RTL4: variants seen among roughly 807,000 people sequenced by gnomAD.
RTL4 encodes the protein retrotransposon Gag-like protein 4.
A neutral mutation model predicts 5.3 loss-of-function variants in RTL4; 4 were observed. The observed-to-expected ratio is 0.75, with a 90% CI of 0.37 to 1.72. RTL4 has a LOEUF of 1.72. Ranked by LOEUF, RTL4 falls within the 40% of genes most tolerant of loss-of-function variation. The probability of loss-of-function intolerance (pLI) is 0.04; values close to 1 mark genes in which losing one functional copy is unlikely to be tolerated. For synonymous variants in RTL4, 98 were observed against 87.3 expected (o/e 1.12, Z -0.68); for missense variants, 260 against 227.1 (o/e 1.14, Z -0.93).
chrX:112,214,931 C>T, the RTL4 span, among the ~76,000 whole-genome samples: 5 of 109,172 alleles, frequency 4.6e-5, no homozygotes, highest in East Asian at 2.9e-4. Context: ...TGGGACTACA[C>T]GCACCCACCA....
the RTL4 span, among the ~76,000 whole-genome samples, chrX:112,448,568 C>G: frequency 9.0e-6 from 1 of 111,686 alleles, no homozygotes; most frequent in Admixed American, 9.5e-5. Flanking sequence ...GCTCCCTCTT[C>G]TCTGATTCTT....
At chrX:112,299,087 T>C in the RTL4 span, among the ~76,000 whole-genome samples, 5 of 112,127 alleles carry the variant, frequency 4.5e-5, no homozygotes, top group African/African-American at 1.6e-4. Context: ...CTCTGAGATT[T>C]GAGAGTTGGC....
At chrX:112,222,532 A>G in the RTL4 span, among the ~76,000 whole-genome samples, 1 of 110,359 alleles carries the variant, frequency 9.1e-6, no homozygotes, top group East Asian at 2.9e-4. Context: ...GTTCAAGACC[A>G]GCCTAGGCAA....
chrX:112,273,249 G>A, the RTL4 span, among the ~76,000 whole-genome samples: 36 of 106,357 alleles, frequency 3.4e-4, no homozygotes, highest in South Asian at 0.013. Context: ...ACCACATAGA[G>A]TTGATGATTT....
chrX:112,321,581 GACAGAC>G, the RTL4 span, among the ~76,000 whole-genome samples: 55 of 101,296 alleles, frequency 5.4e-4, no homozygotes, highest in African/African-American at 2.0e-3. Flanking sequence ...AAAGAAGAAA[GACAGAC>G]AGACAGACAG....
At chrX:112,300,521 G>T in the RTL4 span, among the ~76,000 whole-genome samples, 1 of 111,903 alleles carries the variant, frequency 8.9e-6, no homozygotes, top group Non-Finnish European at 1.9e-5. Flanking sequence ...GAATAGTGTG[G>T]GCCCTAATGG....
the RTL4 span, among the ~76,000 whole-genome samples, chrX:112,193,845 T>G: frequency 8.9e-6 from 1 of 112,233 alleles, no homozygotes; most frequent in Admixed American, 9.5e-5. Flanking sequence ...CTTCTAATGA[T>G]TAGACACTCA....
the RTL4 span, among the ~76,000 whole-genome samples, chrX:112,234,945 G>C: frequency 1.8e-5 from 2 of 111,526 alleles, no homozygotes; most frequent in African/African-American, 3.3e-5. Flanking sequence ...GGTTTGGCTA[G>C]TATTTATCAA....
the RTL4 span, among the ~76,000 whole-genome samples, chrX:112,168,947 CTTTCTT>C: frequency 9.9e-6 from 1 of 100,809 alleles, no homozygotes; most frequent in Non-Finnish European, 2.1e-5. Context: ...CTTTTTCTTT[CTTTCTT>C]TCTTTCTTTC....
At chrX:112,369,499 C>T in the RTL4 span, among the ~76,000 whole-genome samples, 1,650 of 110,729 alleles carry the variant, frequency 0.015, 35 homozygotes, top group African/African-American at 0.051. Context: ...TCACAGCACA[C>T]AGTAGGAATT....
chrX:112,139,222 C>T, the RTL4 span, among the ~76,000 whole-genome samples: 5 of 111,298 alleles, frequency 4.5e-5, no homozygotes, highest in South Asian at 1.9e-3. Flanking sequence ...GATGACTTAT[C>T]GTGGGTGATA....
At chrX:112,291,089 G>A in the RTL4 span, among the ~76,000 whole-genome samples, 3 of 111,265 alleles carry the variant, frequency 2.7e-5, no homozygotes, top group Admixed American at 1.9e-4. Flanking sequence ...GGAGAGGGAG[G>A]CAGGACCAGC....
At chrX:112,353,431 C>G in the RTL4 span, among the ~76,000 whole-genome samples, 2 of 111,283 alleles carry the variant, frequency 1.8e-5, no homozygotes, top group African/African-American at 6.5e-5. Context: ...TTGGAACCAA[C>G]CCAAATATCC....
exon 1 of RTL4, chrX:112,454,994 A>G (rs1303468891): frequency 8.3e-7 from 1 of 1,209,545 alleles, no homozygotes; most frequent in African/African-American, 1.8e-5. Context: ...CAAATCTCTA[A>G]TCCTGCAAAT....
chrX:112,183,540 C>A, the RTL4 span, among the ~76,000 whole-genome samples: 2 of 111,519 alleles, frequency 1.8e-5, no homozygotes, highest in Non-Finnish European at 3.8e-5. Flanking sequence ...AGGCTTTAAA[C>A]CAACAAAGGT....
chrX:112,137,404 T>C, the RTL4 span, among the ~76,000 whole-genome samples: 3 of 112,156 alleles, frequency 2.7e-5, no homozygotes, highest in Non-Finnish European at 5.6e-5. Flanking sequence ...CTCACAGTTC[T>C]GCATGGCTCT....
chrX:112,352,248 G>C, the RTL4 span, among the ~76,000 whole-genome samples: 190 of 111,160 alleles, frequency 1.7e-3, 1 homozygote, highest in African/African-American at 5.5e-3. Context: ...CTGTTAGTCT[G>C]ATGGGCTTCC....
the RTL4 span, among the ~76,000 whole-genome samples, chrX:112,329,223 G>T: frequency 9.0e-6 from 1 of 111,035 alleles, no homozygotes; most frequent in Admixed American, 9.6e-5. Context: ...TCCAGGAGCT[G>T]GTTTTTTGAA....
chrX:112,194,698 G>T, the RTL4 span, among the ~76,000 whole-genome samples: 1 of 112,018 alleles, frequency 8.9e-6, no homozygotes, highest in Admixed American at 9.5e-5. Flanking sequence ...CCAGAGCAGA[G>T]TGGGAACAGG....
Sources: allele counts gnomAD v4.1 joint callset (sites outside exome capture counted in the v4.1 genomes callset), GRCh38; gene constraint gnomAD v4.1.1; transcripts MANE v1.5; gene names NCBI Gene and HGNC (gene_info 2026-07-23, HGNC 2026-07-21).